The following C2 variants were observed in gnomAD, a reference collection of about 807,000 sequenced individuals.
C2 encodes the protein complement C2.
In C2, 64 loss-of-function variants were observed where a neutral mutation model predicts 85.2. The ratio of observed to expected loss-of-function variants is 0.75; its 90% CI spans 0.61 to 0.92. The LOEUF (loss-of-function observed/expected upper bound fraction) is 0.92. C2 is among the 40% of genes least tolerant of loss of function. The pLI, the probability that C2 is intolerant of heterozygous loss-of-function variation, is 0.00. For synonymous variants in C2, 311 were observed against 370.8 expected (o/e 0.84, Z 1.85); for missense variants, 820 against 971.6 (o/e 0.84, Z 2.07).
At position 31,928,001 on chromosome 6, in the gene C2, G is replaced by A. The variant is rs1397722489; in HGVS notation, c.93G>A (p.Ser31=). Residue 31 remains serine (S), a synonymous_variant, in exon 2 of 18, where the codon TCG becomes TCA. Transcript: ENST00000299367. ...CCTGCCCTCAGAACGTGAATATCTC[G>A]GGTGGCACCTTCACCCTCAGCCATG... ...APSCPQNVNI[S]GGTFTLSHGW... The A allele has an allele frequency of 3.7e-6, 6 of 1,613,960 alleles. No individual in the cohort carries two copies. Among genetic ancestry groups the A allele is most frequent in the Admixed American group, 3.3e-5 (2 of 59,984 alleles).
rs532295097 is a variant in C2, at chr6:31,938,229, C to T, written c.1129+770C>T. On this transcript the variant is annotated intron_variant, in intron 8 of 17. Coordinates refer to ENST00000299367, the MANE Select transcript of C2 (RefSeq NM_000063.6). ...AAACGTGGCTCTTGAGCAGGAATGTCGAAGGGCACGGATGCAAGGAACAGT... is the reference window on the plus strand; with the variant it reads ...AAACGTGGCTCTTGAGCAGGAATGTTGAAGGGCACGGATGCAAGGAACAGT... 5.9e-5 allele frequency among the ~76,000 whole-genome samples: 9 copies of T among 151,984 alleles called. 1 individual carries two copies. Among genetic ancestry groups the T allele is most frequent in the African/African-American group, 1.9e-4 (8 of 41,438 alleles).
intron 1 of C2, among the ~76,000 whole-genome samples, chr6:31,902,414 A>G (rs931659895): frequency 4.6e-5 from 7 of 151,706 alleles, no homozygotes; most frequent in African/African-American, 1.7e-4. Flanking sequence ...GCGCGCGCGC[A>G]CCCGTTCTCT....
chr6:31,917,172 GAAAAAAA>G (rs1273347156), upstream of C2, among the ~76,000 whole-genome samples: 1 of 83,260 alleles, frequency 1.2e-5, no homozygotes. Flanking sequence ...CTCTGTCTCA[GAAAAAAA>G]AAAAAAAAGA....
At chr6:31,897,783 G>A, upstream of C2, 2 of 967,864 alleles carry the variant, frequency 2.1e-6, no homozygotes, top group Non-Finnish European at 2.6e-6. Flanking sequence ...ATGCTTTTTG[G>A]CCATTTTCCC....
At position 31,928,773 on chromosome 6, in the gene C2, T is replaced by C. The variant is rs775495385; in HGVS notation, c.298T>C (p.Tyr100His). 2 of 1,614,138 alleles carry C rather than the reference T, an allele frequency of 1.2e-6. No homozygotes were observed. The highest frequency in any genetic ancestry group is 1.7e-6 in the Non-Finnish European group (2 of 1,180,052). ...CCCTGTCTCCTTTGAGAATGGCATT[T>C]ATACCCCACGGCTGGGGTCCTATCC... Reference protein sequence around the residue: ...PAPVSFENGIYTPRLGSYPVG... With the variant: ...PAPVSFENGIHTPRLGSYPVG... Residue 100 changes from tyrosine (Y) to histidine (H), a missense_variant, in exon 3 of 18, where the codon TAT becomes CAT. Physicochemically the swap from Tyr to His is moderately conservative, Grantham distance 83. Coordinates refer to ENST00000299367, the MANE Select transcript of C2 (RefSeq NM_000063.6).
rs1771116290 is a variant in C2, at chr6:31,943,926, C to T, written c.1743C>T (p.Cys581=). ...VKMSTHARPI[C]LPCTMEANLA... ...TTGCTCTTCTCCCCAGGCCCATCTGCCTTCCCTGCACGATGGAGGCCAATC... is the reference window on the plus strand; with the variant it reads ...TTGCTCTTCTCCCCAGGCCCATCTGTCTTCCCTGCACGATGGAGGCCAATC... The change falls in exon 14 of 18, where the codon TGC becomes TGT. Residue 581 remains cysteine (C), a synonymous_variant. Coordinates refer to ENST00000299367, the MANE Select transcript of C2 (RefSeq NM_000063.6). This position sits in a 1 kb window ranked among gnomAD's most constrained non-coding sequence, Gnocchi z 6.4. The T allele has an allele frequency of 1.9e-6, 3 of 1,612,854 alleles. No homozygotes were observed. Among genetic ancestry groups the T allele is most frequent in the Non-Finnish European group, 2.5e-6 (3 of 1,179,972 alleles).
chr6:31,939,392 C>T (rs1488862902), intron 9 of C2, 72 bp downstream of exon 9: 1 of 1,161,850 alleles, frequency 8.6e-7, no homozygotes, highest in African/African-American at 1.5e-5. Context: ...CCAGGGATCC[C>T]AGCATCTTAG....
chr6:31,915,494 C>T (rs1020968156), upstream of C2, among the ~76,000 whole-genome samples: 3 of 152,234 alleles, frequency 2.0e-5, no homozygotes, highest in Non-Finnish European at 2.9e-5. Flanking sequence ...TTTATATGGA[C>T]TCCTATCTCA....
chr6:31,927,798 G>A lies in C2; in HGVS notation c.46G>A (p.Gly16Ser). Reference sequence around the variant, plus strand: ...TTTTTGCCTGCTGTTCCTGTACCCAGGTAGGAGGCAGGGAAGGGGGAACGT... The same window carrying A: ...TTTTTGCCTGCTGTTCCTGTACCCAAGTAGGAGGCAGGGAAGGGGGAACGT... The part of the protein sequence containing the change: ...VLFCLLFLYP[G>S]LADSAPSCPQ... Residue 16 changes from glycine to serine, a missense_variant and splice_region_variant, in exon 1 of 18, where the codon GGT (glycine) becomes AGT (serine). By Grantham distance (56) the Gly-to-Ser change is moderately conservative. Transcript: ENST00000299367. The surrounding 1 kb of genome is among the most constrained non-coding windows in gnomAD (Gnocchi z 4.7). 3.1e-6 allele frequency: 5 copies of A among 1,613,880 alleles called. No individual in the cohort carries two copies. Among genetic ancestry groups the A allele is most frequent in the Non-Finnish European group, 4.2e-6 (5 of 1,179,898 alleles).
Position 31,943,002 on chromosome 6 carries a change from A to G in C2, c.1263A>G (p.Arg421=). ...TGGGCAAGCTGGATGTGGACTGGAG[A>G]GAACTGAATGAGCTAGGGTCCAAGA... ...IGVGKLDVDW[R]ELNELGSKKD... The change falls in exon 10 of 18, where the codon AGA becomes AGG. Residue 421 remains arginine (R), a synonymous_variant. Transcript: ENST00000299367. The surrounding 1 kb of genome is among the most constrained non-coding windows in gnomAD (Gnocchi z 6.4). 4 of 1,613,010 alleles carry G rather than the reference A, an allele frequency of 2.5e-6. No homozygotes were observed. Among genetic ancestry groups the G allele is most frequent in the Non-Finnish European group, 3.4e-6 (4 of 1,180,016 alleles).
chr6:31,939,395 C>A, intron 9 of C2, 75 bp downstream of exon 9: 3 of 1,127,722 alleles, frequency 2.7e-6, no homozygotes, highest in Non-Finnish European at 4.1e-6. Flanking sequence ...GGGATCCCAG[C>A]ATCTTAGCTA....
chr6:31,933,843 A>G, intron 4 of C2, 24 bp from the exon 5 acceptor site: 1 of 1,613,374 alleles, frequency 6.2e-7, no homozygotes, highest in Non-Finnish European at 8.5e-7. Context: ...GCCCCGGCTG[A>G]CTCCTGTGTG....
intron 1 of C2, among the ~76,000 whole-genome samples, chr6:31,906,606 T>G (rs1056977685): frequency 1.3e-5 from 2 of 151,766 alleles, no homozygotes; most frequent in African/African-American, 2.4e-5. Context: ...CGACAAATAT[T>G]CTATCCTCTG....
chr6:31,914,171 A>AG (rs1768323794), intron 1 of C2, among the ~76,000 whole-genome samples: 1 of 150,794 alleles, frequency 6.6e-6, no homozygotes, highest in African/African-American at 2.4e-5. Flanking sequence ...TCGGCCTCTC[A>AG]AAGTGCTGGG....
chr6:31,923,592 G>T (rs1173163724), upstream of C2, among the ~76,000 whole-genome samples: 13 of 137,934 alleles, frequency 9.4e-5, no homozygotes, highest in East Asian at 4.7e-4. Flanking sequence ...CACGCCATTC[G>T]CCTGCCTCAG....
At chr6:31,912,921 C>T (rs1353388122) in intron 1 of C2, among the ~76,000 whole-genome samples, 1 of 150,064 alleles carries the variant, frequency 6.7e-6, no homozygotes, top group Non-Finnish European at 1.5e-5. Flanking sequence ...AGGCCAAGCG[C>T]AGTGGCTCAC....
At chr6:31,940,889 C>T (rs1017845773) in intron 9 of C2, among the ~76,000 whole-genome samples, 1 of 152,232 alleles carries the variant, frequency 6.6e-6, no homozygotes, top group Non-Finnish European at 1.5e-5. Context: ...TCCACCTAAG[C>T]ACCTTGCTTT....
Position 31,921,645 on chromosome 6 carries a change from C to G in C2, c.-100+1619C>G, listed in dbSNP as rs1768981299. On this transcript the variant is annotated intron_variant, in intron 1 of 3. Coordinates refer to the C2 transcript ENST00000413154. This position sits in a 1 kb window ranked among gnomAD's most constrained non-coding sequence, Gnocchi z 4.6. The stretch of plus-strand genomic sequence containing the variant: ...TCTGCTGCTTAGTACCTGTATGAAC[C>G]TGGGGCAGCTCACTTAACCTTTGTG... Among the ~76,000 whole-genome samples the G allele has an allele frequency of 6.6e-6, 1 of 152,102 alleles. No homozygotes were observed. The highest frequency in any genetic ancestry group is 1.5e-5 in the Non-Finnish European group (1 of 68,016).
chr6:31,928,579 A>G (rs970092528), intron 2 of C2, among the ~76,000 whole-genome samples, 153 bp from the exon 3 acceptor site: 3 of 152,172 alleles, frequency 2.0e-5, no homozygotes, highest in Admixed American at 6.5e-5. Flanking sequence ...GTTGCCAAAA[A>G]CAGCAATTTC....
Sources: allele counts gnomAD v4.1 joint callset (sites outside exome capture counted in the v4.1 genomes callset), GRCh38; gene constraint gnomAD v4.1.1; non-coding constraint Gnocchi (gnomAD v3.1); transcripts MANE v1.5; gene names NCBI Gene and HGNC (gene_info 2026-07-23, HGNC 2026-07-21).